RAP1GAP2: variants seen among roughly 807,000 people sequenced by gnomAD.
RAP1GAP2 encodes RAP1 GTPase activating protein 2.
RAP1GAP2 carries 27 observed loss-of-function variants against 95.0 expected under a neutral mutation model. The observed-to-expected ratio is 0.28, with a 90% CI of 0.21 to 0.39. The LOEUF (loss-of-function observed/expected upper bound fraction) is 0.39. Ranked by LOEUF, RAP1GAP2 falls within the 10% of genes least tolerant of loss-of-function variation. The probability of loss-of-function intolerance (pLI) is 1.00; values close to 1 mark genes in which losing one functional copy is unlikely to be tolerated. For missense variants in RAP1GAP2, 771 were observed against 970.0 expected, an observed-to-expected ratio of 0.79 and a Z score of 2.72; for synonymous variants, 373 against 380.9, an observed-to-expected ratio of 0.98 and a Z score of 0.24.
intron 2 of RAP1GAP2, among the ~76,000 whole-genome samples, chr17:2,829,372 T>C (rs1177623029): frequency 6.6e-6 from 1 of 152,048 alleles, no homozygotes; most frequent in Non-Finnish European, 1.5e-5. Context: ...TGCCTACCCT[T>C]CCTTCCCGTG....
At chr17:2,991,235 C>A in intron 11 of RAP1GAP2, 62 bp from the exon 12 acceptor site, 23 of 1,333,604 alleles carry the variant, frequency 1.7e-5, no homozygotes, top group Non-Finnish European at 2.4e-5. Context: ...CATCCATATT[C>A]CTTCCTTTAG....
rs1229022325 is a variant in RAP1GAP2, at chr17:2,833,650, A to C, written c.80+33100A>C. 2.1e-5 allele frequency among the ~76,000 whole-genome samples: 3 copies of C among 145,536 alleles called. No homozygotes were observed. The East Asian group carries it at 6.3e-4, about 31-fold the overall frequency. On this transcript the variant is annotated intron_variant, in intron 2 of 24. Coordinates refer to ENST00000254695, the MANE Select transcript of RAP1GAP2 (RefSeq NM_015085.5). ...GCTTGCAGTGAGCCGAGATCTCGCC[A>C]CTGCACTCCAACCTGGGAGACACAG...
At chr17:2,907,537 G>A (rs536246273) in intron 3 of RAP1GAP2, among the ~76,000 whole-genome samples, 4 of 152,240 alleles carry the variant, frequency 2.6e-5, no homozygotes, top group African/African-American at 7.2e-5. Context: ...GCACAGCATA[G>A]CTCAGGGGGA....
chr17:2,807,742 T>C (rs918838939), intron 2 of RAP1GAP2, among the ~76,000 whole-genome samples: 2 of 151,596 alleles, frequency 1.3e-5, no homozygotes, highest in Non-Finnish European at 2.9e-5. Context: ...TGCAGGGGGC[T>C]GGGGGAAGGC....
intron 1 of RAP1GAP2, among the ~76,000 whole-genome samples, chr17:2,760,377 G>A (rs2071221414): frequency 6.7e-6 from 1 of 150,242 alleles, no homozygotes; most frequent in Non-Finnish European, 1.5e-5. Flanking sequence ...GTCTTGCTCT[G>A]TCGCCCAGGG....
intron 2 of RAP1GAP2, among the ~76,000 whole-genome samples, chr17:2,831,627 A>T (rs931024939): frequency 6.6e-6 from 1 of 150,880 alleles, no homozygotes; most frequent in Non-Finnish European, 1.5e-5. Flanking sequence ...ATGGTGGCTC[A>T]TGCCTGTAAT....
intron 13 of RAP1GAP2, among the ~76,000 whole-genome samples, chr17:2,997,076 G>A (rs184137138): frequency 6.6e-6 from 1 of 152,240 alleles, no homozygotes; most frequent in Admixed American, 6.5e-5. Flanking sequence ...TCAGGACAGG[G>A]TTAACATTTG....
In RAP1GAP2 at chr17:3,008,061, C is replaced by CCA; in HGVS notation, c.1417_1418dup (p.Gln473HisfsTer81). The CCA allele has an allele frequency of 6.2e-7, 1 of 1,613,962 alleles. No homozygotes were observed. The highest frequency in any genetic ancestry group is 1.1e-5 in the South Asian group (1 of 91,086). Reference sequence around the variant, plus strand: ...ACAACCTTCACGATGAGCTCCACGCCCACACACAGGCCATGCTGGGACTGG... The same window carrying CCA: ...ACAACCTTCACGATGAGCTCCACGCCCACACACACAGGCCATGCTGGGACTGG... On this transcript the variant is annotated frameshift_variant, in exon 17 of 25. Coordinates refer to ENST00000254695, the MANE Select transcript of RAP1GAP2 (RefSeq NM_015085.5). LOFTEE classifies it high-confidence loss of function. This position sits in a 1 kb window ranked among gnomAD's most constrained non-coding sequence, Gnocchi z 4.2.
intron 3 of RAP1GAP2, among the ~76,000 whole-genome samples, chr17:2,914,583 T>C (rs534244755): frequency 4.2e-4 from 64 of 152,088 alleles, no homozygotes; most frequent in Non-Finnish European, 7.2e-4. Context: ...CTCTGCCTCC[T>C]GGGTTCACAC....
chr17:2,923,476 A>G (rs1475331510), intron 3 of RAP1GAP2, among the ~76,000 whole-genome samples: 1 of 150,904 alleles, frequency 6.6e-6, no homozygotes. Context: ...TTACAGACGC[A>G]TACCACCACG....
Position 2,827,886 on chromosome 17 carries a change from G to C in RAP1GAP2, c.80+27336G>C, listed in dbSNP as rs542924688. 6.6e-6 allele frequency among the ~76,000 whole-genome samples: 1 copy of C among 152,170 alleles called. No individual in the cohort carries two copies. Among genetic ancestry groups the C allele is most frequent in the Admixed American group, 6.6e-5 (1 of 15,254 alleles). ...CGGTTGCAGCAGGCACGCCAGTGAC[G>C]GTGGGGGCCCAGGGGGAGCGTGGCA... On this transcript the variant is annotated intron_variant, in intron 2 of 24. Coordinates refer to ENST00000254695, the MANE Select transcript of RAP1GAP2 (RefSeq NM_015085.5). This position sits in a 1 kb window ranked among gnomAD's most constrained non-coding sequence, Gnocchi z 4.1.
intron 11 of RAP1GAP2, among the ~76,000 whole-genome samples, chr17:2,986,414 A>C (rs1265141667): frequency 6.6e-6 from 1 of 152,204 alleles, no homozygotes; most frequent in African/African-American, 2.4e-5. Context: ...GGATCTTATA[A>C]GCTGATTATA....
At chr17:2,769,330 C>T (rs60642747) in intron 1 of RAP1GAP2, among the ~76,000 whole-genome samples, 37,660 of 138,386 alleles carry the variant, frequency 0.27, 5,120 homozygotes, top group African/African-American at 0.38. Flanking sequence ...CCGAGGCGGG[C>T]GGATCACGAG....
intron 7 of RAP1GAP2, chr17:2,964,638 T>C: frequency 6.5e-6 from 1 of 154,478 alleles, no homozygotes. Flanking sequence ...GGACGGTGGC[T>C]GGAGTTTTGA....
chr17:2,945,030 C>G (rs1034930840), intron 3 of RAP1GAP2, among the ~76,000 whole-genome samples: 7 of 152,058 alleles, frequency 4.6e-5, no homozygotes, highest in African/African-American at 1.4e-4. Flanking sequence ...CCCGCCACCA[C>G]GCCCGGCTGA....
At chr17:2,759,584 G>A (rs1275205535) in intron 1 of RAP1GAP2, among the ~76,000 whole-genome samples, 1 of 152,130 alleles carries the variant, frequency 6.6e-6, no homozygotes, top group Non-Finnish European at 1.5e-5. Context: ...CGGAGTAGCT[G>A]GGATTACAGG....
rs1237799264 is a variant in RAP1GAP2, at chr17:3,003,088, C to T, written c.1201-2281C>T. Among the ~76,000 whole-genome samples, 4 of 152,130 alleles carry T rather than the reference C, an allele frequency of 2.6e-5. No homozygotes were observed. The highest frequency in any genetic ancestry group is 5.9e-5 in the Non-Finnish European group (4 of 68,030). ...CACAGTCTTGAATCCTGACAAGCCC[C>T]TGGTGAGACAAGACCTCTCGCTAGA... is the stretch of plus-strand genomic sequence containing the variant. On this transcript the variant is annotated intron_variant, in intron 14 of 24. Transcript: ENST00000254695. This position sits in a 1 kb window ranked among gnomAD's most constrained non-coding sequence, Gnocchi z 4.1.
chr17:2,963,331 C>A lies in RAP1GAP2; in HGVS notation c.247-99C>A. ...CCATCGAATGTTCCTCCCTCAAAGC[C>A]CCCCCACAACATATCCCCCTTGCAA... is the stretch of plus-strand genomic sequence containing the variant. On this transcript the variant is annotated intron_variant, in intron 5 of 24. Coordinates refer to ENST00000254695, the MANE Select transcript of RAP1GAP2 (RefSeq NM_015085.5). The surrounding 1 kb of genome is among the most constrained non-coding windows in gnomAD (Gnocchi z 4.8). 1 of 1,336,858 alleles carries A rather than the reference C, an allele frequency of 7.5e-7. No individual in the cohort carries two copies. Among genetic ancestry groups the A allele is most frequent in the South Asian group, 1.2e-5 (1 of 84,772 alleles). 82.8% of individuals were successfully genotyped at this position (1,336,858 alleles called of 1,614,324 possible).
intron 11 of RAP1GAP2, among the ~76,000 whole-genome samples, chr17:2,989,102 A>C (rs1048220582): frequency 6.7e-6 from 1 of 150,332 alleles, no homozygotes; most frequent in Non-Finnish European, 1.5e-5. Context: ...CAAAAAAAAA[A>C]CTGCCAAACA....
Sources: allele counts gnomAD v4.1 joint callset (sites outside exome capture counted in the v4.1 genomes callset), GRCh38; gene constraint gnomAD v4.1.1; non-coding constraint Gnocchi (gnomAD v3.1); transcripts MANE v1.5; gene names NCBI Gene and HGNC (gene_info 2026-07-23, HGNC 2026-07-21).